COMMD1: variants seen among roughly 807,000 people sequenced by gnomAD.
The protein encoded by COMMD1 is COMM domain-containing protein 1.
In COMMD1, 10 loss-of-function variants were observed where a neutral mutation model predicts 17.2. The observed-to-expected ratio is 0.58, with a 90% CI of 0.36 to 0.99. The LOEUF is 0.99. COMMD1 is among the 50% of genes least tolerant of loss of function. The pLI is 0.01. For missense variants in COMMD1, 270 were observed against 231.8 expected (o/e 1.17, Z -1.07); for synonymous variants, 97 against 91.6 (o/e 1.06, Z -0.34).
chr2:61,964,221 TTTTC>T (rs2103703865), intron 1 of COMMD1, among the ~76,000 whole-genome samples: 1 of 152,302 alleles, frequency 6.6e-6, no homozygotes, highest in African/African-American at 2.4e-5. Context: ...ATTCCCTATA[TTTTC>T]TTTTTTCTTT....
chr2:62,072,998 C>T (rs977537067), intron 2 of COMMD1, among the ~76,000 whole-genome samples: 8 of 152,184 alleles, frequency 5.3e-5, no homozygotes, highest in South Asian at 2.1e-4. Context: ...TCCGCCAGGC[C>T]GAGTGGGGAA....
chr2:61,979,243 C>G (rs1671888697), intron 1 of COMMD1, among the ~76,000 whole-genome samples: 1 of 152,096 alleles, frequency 6.6e-6, no homozygotes, highest in African/African-American at 2.4e-5. Context: ...CTTTGGGAGG[C>G]TGAGGCGGGT....
chr2:61,888,649 C>CGGAGAA, upstream of COMMD1: 1 of 982,124 alleles, frequency 1.0e-6, no homozygotes, highest in Non-Finnish European at 1.4e-6. Context: ...GAGGCGGAGG[C>CGGAGAA]GGAGAAGGGG....
At chr2:61,892,464 G>T (rs890460396) in intron 1 of COMMD1, among the ~76,000 whole-genome samples, 2 of 151,852 alleles carry the variant, frequency 1.3e-5, no homozygotes, top group African/African-American at 2.4e-5. Flanking sequence ...AGGCGGAGGA[G>T]GGTGGATCAG....
In COMMD1 at chr2:61,960,858, A is replaced by C. The variant is rs185413461; in HGVS notation, c.181-39843A>C. Among the ~76,000 whole-genome samples the C allele has an allele frequency of 1.4e-4, 22 of 152,254 alleles. No homozygotes were observed. The East Asian group carries it at 4.1e-3, about 28-fold the overall frequency. On this transcript the variant is annotated intron_variant, in intron 1 of 2. Transcript: ENST00000311832. ...AGGAAGTAGTTTGTCACCCTTTGCA[A>C]CATTTCCTACCTTGGCCCTCGGGCG...
At chr2:61,986,876 C>CT (rs1380433891) in intron 1 of COMMD1, among the ~76,000 whole-genome samples, 4 of 151,994 alleles carry the variant, frequency 2.6e-5, no homozygotes, top group African/African-American at 9.7e-5. Flanking sequence ...GCCTCTTTTT[C>CT]TTTTTTGTTT....
At chr2:62,122,512 G>T (rs1251482535) in intron 2 of COMMD1, among the ~76,000 whole-genome samples, 2 of 151,216 alleles carry the variant, frequency 1.3e-5, no homozygotes, top group Admixed American at 1.3e-4. Flanking sequence ...TTATCCACTG[G>T]CCTATAACAG....
intron 2 of COMMD1, among the ~76,000 whole-genome samples, chr2:62,103,774 C>G (rs1444733154): frequency 2.0e-5 from 3 of 152,068 alleles, no homozygotes; most frequent in Admixed American, 1.3e-4. Flanking sequence ...GCAATGTAAA[C>G]AGAAATGGAA....
intron 2 of COMMD1, among the ~76,000 whole-genome samples, chr2:62,013,097 A>C (rs1669332933): frequency 6.6e-6 from 1 of 152,166 alleles, no homozygotes; most frequent in South Asian, 2.1e-4. Context: ...GATTGCCTTG[A>C]TTCACCTATG....
At chr2:61,968,965 A>T (rs1168511173) in intron 1 of COMMD1, 354 of 242,678 alleles carry the variant, frequency 1.5e-3, no homozygotes, top group East Asian at 2.2e-3. Flanking sequence ...TTTTTTTTTT[A>T]AAGACAGGAT....
intron 2 of COMMD1, among the ~76,000 whole-genome samples, chr2:62,047,678 C>G (rs1670418548): frequency 6.6e-6 from 1 of 152,084 alleles, no homozygotes; most frequent in Admixed American, 6.6e-5. Flanking sequence ...TGGTCTCGAA[C>G]TCCTGACCTC....
chr2:62,012,258 A>AACAC lies in COMMD1; in HGVS notation c.462+11284_462+11287dup, dbSNP rs1302194313. On this transcript the variant is annotated intron_variant, in intron 2 of 2. Transcript: ENST00000311832. ...GGTGACAGAGTGAGACCTTGTCTCA[A>AACAC]ACACACACACATACACACACACACA... Among the ~76,000 whole-genome samples the AACAC allele has an allele frequency of 1.4e-3, 143 of 102,314 alleles. 2 individuals are homozygous for AACAC. The highest frequency in any genetic ancestry group is 3.8e-3 in the East Asian group (15 of 3,984). The allele number at this position is 102,314 out of a possible 152,430, so 67.1% of individuals were successfully genotyped here.
chr2:61,989,166 C>T (rs1341645618), intron 1 of COMMD1, among the ~76,000 whole-genome samples: 1 of 152,144 alleles, frequency 6.6e-6, no homozygotes, highest in African/African-American at 2.4e-5. Flanking sequence ...ATTTGGTGTT[C>T]TGACAGGGAG....
chr2:62,025,500 A>T (rs1168425913), intron 2 of COMMD1, among the ~76,000 whole-genome samples: 1 of 152,208 alleles, frequency 6.6e-6, no homozygotes. Context: ...ACTGCATTCC[A>T]GCCTGGGGAA....
intron 1 of COMMD1, among the ~76,000 whole-genome samples, chr2:61,983,607 T>G (rs1676870523): frequency 6.6e-6 from 1 of 152,230 alleles, no homozygotes; most frequent in African/African-American, 2.4e-5. Context: ...ATCCATTTCT[T>G]CTAGATTGTC....
intron 2 of COMMD1, among the ~76,000 whole-genome samples, chr2:62,086,541 C>T (rs1041961902): frequency 1.3e-5 from 2 of 151,758 alleles, no homozygotes; most frequent in African/African-American, 2.4e-5. Context: ...TCTTCTGTTT[C>T]TGTTAGTGCC....
At chr2:62,120,946 G>A (rs1672725549) in intron 2 of COMMD1, among the ~76,000 whole-genome samples, 1 of 151,700 alleles carries the variant, frequency 6.6e-6, no homozygotes, top group Admixed American at 6.6e-5. Flanking sequence ...GTTTTTTCAT[G>A]TTGCCCAGGC....
intron 2 of COMMD1, among the ~76,000 whole-genome samples, chr2:62,095,438 T>C (rs1166861419): frequency 6.6e-6 from 1 of 152,068 alleles, no homozygotes; most frequent in Non-Finnish European, 1.5e-5. Flanking sequence ...CGAGAGAGCA[T>C]CCCGTACTTA....
chr2:62,120,411 C>T (rs1223730222), intron 2 of COMMD1, among the ~76,000 whole-genome samples: 1 of 151,894 alleles, frequency 6.6e-6, no homozygotes, highest in Admixed American at 6.6e-5. Context: ...GAATGAACCT[C>T]ATCAGGAATG....
Sources: allele counts gnomAD v4.1 joint callset (sites outside exome capture counted in the v4.1 genomes callset), GRCh38; gene constraint gnomAD v4.1.1; transcripts MANE v1.5; gene names NCBI Gene and HGNC (gene_info 2026-07-23, HGNC 2026-07-21).